Variants in ZBTB16 observed in about 807,000 individuals in gnomAD.
ZBTB16 encodes zinc finger and BTB domain-containing protein 16.
A neutral mutation model predicts 56.8 loss-of-function variants in ZBTB16; 8 were observed. The observed-to-expected ratio is 0.14, with a 90% CI of 0.08 to 0.25. The LOEUF (loss-of-function observed/expected upper bound fraction) is 0.25. Ranked by LOEUF, ZBTB16 falls within the 10% of genes least tolerant of loss-of-function variation. ZBTB16 has a pLI of 1.00. For missense variants in ZBTB16, 625 were observed against 903.0 expected, an observed-to-expected ratio of 0.69 and a Z score of 3.95; for synonymous variants, 363 against 368.5, an observed-to-expected ratio of 0.98 and a Z score of 0.17.
chr11:114,128,266 C>G (rs1941566623), intron 2 of ZBTB16, among the ~76,000 whole-genome samples: 1 of 152,142 alleles, frequency 6.6e-6, no homozygotes, highest in Admixed American at 6.5e-5. Context: ...GGGCAGTGAC[C>G]CTGCATGACC....
rs377093990 is a variant in ZBTB16 at position 114,252,780 on chromosome 11, C to T, written c.*2225C>T. 6.6e-6 allele frequency among the ~76,000 whole-genome samples: 1 copy of T among 152,040 alleles called. No individual in the cohort carries two copies. Among genetic ancestry groups the T allele is most frequent in the Non-Finnish European group, 1.5e-5 (1 of 68,002 alleles). On this transcript the variant is annotated 3_prime_UTR_variant, in exon 7 of 7. Transcript: ENST00000335953. ...GAGGGATGGGTGCTGCTGCGACGAC[C>T]CCCCCGTCCCTCGGCCCCAGCCCTC...
chr11:114,115,192 C>A (rs555761119), intron 2 of ZBTB16, among the ~76,000 whole-genome samples: 1 of 152,212 alleles, frequency 6.6e-6, no homozygotes, highest in South Asian at 2.1e-4. Flanking sequence ...TTGGGAAAGA[C>A]CTTCTAGAGA....
At chr11:114,156,859 T>C (rs1225062288) in intron 3 of ZBTB16, among the ~76,000 whole-genome samples, 2 of 152,242 alleles carry the variant, frequency 1.3e-5, no homozygotes, top group South Asian at 2.1e-4. Flanking sequence ...TTTTGCAAGT[T>C]AATTTTATAC....
chr11:114,242,296 C>T lies in ZBTB16; in HGVS notation c.1583C>T (p.Pro528Leu). 6.2e-7 allele frequency: 1 copy of T among 1,614,060 alleles called. No homozygotes were observed. The highest frequency in any genetic ancestry group is 8.5e-7 in the Non-Finnish European group (1 of 1,180,046). ...YICSECNRTF[P>L]SHTALKRHLR... is the part of the protein sequence containing the mutation. ...TGCAGTGAGTGCAACCGCACCTTCC[C>T]CAGCCACACGGCTCTCAAACGCCAC... Residue 528 changes from proline to leucine, a missense_variant, in exon 5 of 7, where the codon CCC (proline) becomes CTC (leucine). Around this residue, in one of 6 missense-constraint regions of ZBTB16, gnomAD observed 140 missense variants for 214.8 expected, o/e 0.65. Transcript: ENST00000335953.
chr11:114,157,335 C>T (rs1235432427), intron 3 of ZBTB16, among the ~76,000 whole-genome samples: 1 of 152,214 alleles, frequency 6.6e-6, no homozygotes, highest in Non-Finnish European at 1.5e-5. Flanking sequence ...ACCTTAGCTA[C>T]ATTCATCTTG....
Position 114,062,255 on chromosome 11 carries a change from C to T in ZBTB16, c.-90-956C>T, listed in dbSNP as rs919523263. Among the ~76,000 whole-genome samples, 11 of 152,242 alleles carry T rather than the reference C, an allele frequency of 7.2e-5. No homozygotes were observed. The East Asian group carries it at 2.1e-3, about 29-fold the overall frequency. On this transcript the variant is annotated intron_variant, in intron 1 of 6. Coordinates refer to ENST00000335953, the MANE Select transcript of ZBTB16 (RefSeq NM_006006.6). The stretch of plus-strand genomic sequence containing the variant: ...AGTAGCTGGGATTACAGGCGGGTGC[C>T]ACCGCGCCTGGCTAATTTTGTATTT...
chr11:114,225,294 C>T (rs1429469816), intron 4 of ZBTB16, among the ~76,000 whole-genome samples: 3 of 152,104 alleles, frequency 2.0e-5, no homozygotes, highest in Admixed American at 1.3e-4. Flanking sequence ...TAGAGCTCTT[C>T]TTGGTGATGA....
intron 5 of ZBTB16, chr11:114,246,744 G>A (rs944491405): frequency 1.9e-5 from 4 of 213,056 alleles, no homozygotes; most frequent in Non-Finnish European, 3.8e-5. Flanking sequence ...AAGGAAATTG[G>A]GGACTGTAGA....
intron 2 of ZBTB16, among the ~76,000 whole-genome samples, chr11:114,075,519 C>T (rs150519809): frequency 4.5e-4 from 69 of 151,688 alleles, no homozygotes; most frequent in African/African-American, 1.5e-3. Flanking sequence ...TGCAGTGGCG[C>T]GATCTCAGCT....
At chr11:114,168,465 C>G (rs975866146) in intron 3 of ZBTB16, among the ~76,000 whole-genome samples, 1 of 152,194 alleles carries the variant, frequency 6.6e-6, no homozygotes, top group African/African-American at 2.4e-5. Context: ...TTGCTGTGTT[C>G]CAGGCACAGT....
At chr11:114,232,528 A>G (rs1429076205) in intron 4 of ZBTB16, among the ~76,000 whole-genome samples, 35 of 151,438 alleles carry the variant, frequency 2.3e-4, no homozygotes, top group Admixed American at 2.3e-3. Context: ...ATCCCATCTC[A>G]GAGGCACCTC....
intron 2 of ZBTB16, among the ~76,000 whole-genome samples, chr11:114,127,053 C>G (rs1941527701): frequency 6.6e-6 from 1 of 152,096 alleles, no homozygotes; most frequent in African/African-American, 2.4e-5. Flanking sequence ...AGCCTTGGAC[C>G]CCAGGGTTAG....
chr11:114,144,578 C>A (rs1942049151), intron 2 of ZBTB16, among the ~76,000 whole-genome samples: 2 of 152,190 alleles, frequency 1.3e-5, no homozygotes, highest in Admixed American at 1.3e-4. Flanking sequence ...CTTCTTGCCG[C>A]AGCCTGCTGT....
chr11:114,164,120 A>G (rs1942676146), intron 3 of ZBTB16, among the ~76,000 whole-genome samples: 1 of 152,200 alleles, frequency 6.6e-6, no homozygotes, highest in Non-Finnish European at 1.5e-5. Flanking sequence ...GCTGTACAGT[A>G]CACTGTGTGC....
intron 3 of ZBTB16, among the ~76,000 whole-genome samples, chr11:114,181,320 C>A (rs1943244643): frequency 6.6e-6 from 1 of 152,230 alleles, no homozygotes; most frequent in African/African-American, 2.4e-5. Flanking sequence ...AAGGGACCTC[C>A]CCTTACTGCT....
At chr11:114,242,569 A>G (rs1944732006) in intron 5 of ZBTB16, among the ~76,000 whole-genome samples, 1 of 152,178 alleles carries the variant, frequency 6.6e-6, no homozygotes, top group Admixed American at 6.5e-5. Context: ...GATGCTCATT[A>G]AAAAGGCAGG....
chr11:114,077,077 A>G (rs1400916679), intron 2 of ZBTB16, among the ~76,000 whole-genome samples: 2 of 152,098 alleles, frequency 1.3e-5, no homozygotes, highest in Non-Finnish European at 2.9e-5. Flanking sequence ...ACTGGATGTA[A>G]TTGCTTCCAG....
At chr11:114,101,906 A>G (rs900604804) in intron 2 of ZBTB16, among the ~76,000 whole-genome samples, 4 of 152,358 alleles carry the variant, frequency 2.6e-5, no homozygotes, top group African/African-American at 7.2e-5. Context: ...AACTGATGGT[A>G]TCCCAGATGG....
At chr11:114,162,747 G>A (rs1048193864) in intron 3 of ZBTB16, among the ~76,000 whole-genome samples, 1 of 152,236 alleles carries the variant, frequency 6.6e-6, no homozygotes, top group African/African-American at 2.4e-5. Context: ...AGGAAGTGGA[G>A]AAGATCAGAT....
Sources: gnomAD v4.1 joint callset for allele counts (sites outside exome capture counted in the v4.1 genomes callset) on GRCh38, gnomAD v4.1.1 for gene constraint, gnomAD v4.1.1 regional missense constraint, MANE v1.5 for transcripts, NCBI Gene and HGNC (gene_info 2026-07-23, HGNC 2026-07-21) for gene names.